GLYATL2: variants seen among roughly 807,000 people sequenced by gnomAD.
The protein encoded by GLYATL2 is glycine-N-acyltransferase like 2.
A neutral mutation model predicts 21.4 loss-of-function variants in GLYATL2; 25 were observed. That is an observed-to-expected ratio of 1.17 (90% CI 0.85 to 1.63). The LOEUF (loss-of-function observed/expected upper bound fraction) is 1.63. Ranked by LOEUF, GLYATL2 falls within the 40% of genes most tolerant of loss-of-function variation. The pLI is 0.00. For missense variants in GLYATL2, 361 were observed against 343.3 expected, an observed-to-expected ratio of 1.05 and a Z score of -0.41; for synonymous variants, 114 against 118.2, an observed-to-expected ratio of 0.96 and a Z score of 0.23.
At chr11:58,848,384 T>G (rs1164822100), upstream of GLYATL2, among the ~76,000 whole-genome samples, 3 of 151,980 alleles carry the variant, frequency 2.0e-5, no homozygotes, top group Non-Finnish European at 2.9e-5. Context: ...CCTGGAGAAA[T>G]GGAGATATGT....
chr11:58,837,562 A>T lies in GLYATL2; in HGVS notation c.187-165T>A, dbSNP rs1458581782. On this transcript the variant is annotated intron_variant, in intron 3 of 5. Coordinates refer to ENST00000287275, the MANE Select transcript of GLYATL2 (RefSeq NM_145016.4). Reference sequence around the variant, plus strand: ...ACTTCAAGAATAACTCACTCTTGATACACTGAAGATAGTTGCTTTCTTTTA... The same window carrying T: ...ACTTCAAGAATAACTCACTCTTGATTCACTGAAGATAGTTGCTTTCTTTTA... 2.0e-5 allele frequency among the ~76,000 whole-genome samples: 3 copies of T among 152,234 alleles called. No individual in the cohort carries two copies. The East Asian group carries it at 5.8e-4, about 29-fold the overall frequency.
Position 58,842,022 on chromosome 11 carries a change from T to C in GLYATL2, c.-40-2370A>G, listed in dbSNP as rs138055590. On this transcript the variant is annotated intron_variant, in intron 1 of 5. Coordinates refer to ENST00000287275, the MANE Select transcript of GLYATL2 (RefSeq NM_145016.4). ...GAGCTCAAAAAAGGCATTTCTCTTA[T>C]TAGATGAGAGTTAAGCATACCTATA... Among the ~76,000 whole-genome samples the C allele has an allele frequency of 2.0e-5, 3 of 152,246 alleles. No homozygotes were observed. The East Asian group carries it at 5.8e-4, about 29-fold the overall frequency.
intron 1 of GLYATL2, among the ~76,000 whole-genome samples, chr11:58,842,562 G>A (rs539684220): frequency 8.9e-4 from 135 of 151,196 alleles, no homozygotes; most frequent in Non-Finnish European, 1.0e-3. Context: ...GTGGGTTCCT[G>A]CCTTGTGCTC....
chr11:58,852,933 C>T (rs951368447), intron 1 of GLYATL2, among the ~76,000 whole-genome samples: 2 of 152,140 alleles, frequency 1.3e-5, no homozygotes, highest in African/African-American at 4.8e-5. Flanking sequence ...CTAAGTCAGC[C>T]AGTGAAGTGC....
chr11:58,857,934 A>G (rs1304488736), intron 1 of GLYATL2, among the ~76,000 whole-genome samples: 7 of 150,382 alleles, frequency 4.7e-5, no homozygotes, highest in African/African-American at 1.7e-4. Flanking sequence ...AAACAAACAA[A>G]AAATATCTTA....
chr11:58,908,067 G>A (rs1854948947), upstream of GLYATL2: 1 of 152,422 alleles, frequency 6.6e-6, no homozygotes, highest in African/African-American at 2.4e-5. Flanking sequence ...GAAATCTCAA[G>A]GGTTGCCCAC....
chr11:58,863,958 G>T (rs1853978499), intron 1 of GLYATL2, among the ~76,000 whole-genome samples: 1 of 152,190 alleles, frequency 6.6e-6, no homozygotes, highest in African/African-American at 2.4e-5. Context: ...CCCTAGGCAG[G>T]CCTGGAGCCT....
At chr11:58,859,324 T>TTCTCTC (rs35379649) in intron 1 of GLYATL2, among the ~76,000 whole-genome samples, 2 of 150,754 alleles carry the variant, frequency 1.3e-5, no homozygotes, top group Non-Finnish European at 3.0e-5. Flanking sequence ...GTAGCATTCA[T>TTCTCTC]TCTCTCTCTC....
intron 1 of GLYATL2, among the ~76,000 whole-genome samples, chr11:58,875,190 C>T (rs1477900261): frequency 2.6e-5 from 4 of 152,040 alleles, no homozygotes; most frequent in East Asian, 1.9e-4. Flanking sequence ...TGTCTCTGCA[C>T]GTGAGATGGG....
At chr11:58,860,044 G>A (rs1328058163) in intron 1 of GLYATL2, among the ~76,000 whole-genome samples, 1 of 152,114 alleles carries the variant, frequency 6.6e-6, no homozygotes, top group Non-Finnish European at 1.5e-5. Context: ...TTGAAGTTAG[G>A]TAGTGTGATA....
At chr11:58,888,143 T>C (rs1466403212) in intron 1 of GLYATL2, among the ~76,000 whole-genome samples, 1 of 152,172 alleles carries the variant, frequency 6.6e-6, no homozygotes, top group Non-Finnish European at 1.5e-5. Context: ...CTGTTTATGT[T>C]GTTTGACCAT....
chr11:58,854,042 T>C (rs761319147), intron 1 of GLYATL2, among the ~76,000 whole-genome samples: 44 of 152,286 alleles, frequency 2.9e-4, no homozygotes, highest in Non-Finnish European at 5.6e-4. Context: ...ACATATAAGG[T>C]AGATAATGTG....
At chr11:58,905,385 A>C, upstream of GLYATL2, 2 of 441,914 alleles carry the variant, frequency 4.5e-6, no homozygotes, top group Middle Eastern at 3.6e-4. Context: ...CTGCCGCTGG[A>C]TCCCGCCTGG....
At chr11:58,838,549 G>A (rs187451322) in intron 2 of GLYATL2, among the ~76,000 whole-genome samples, 181 bp from the exon 3 acceptor site, 99 of 152,198 alleles carry the variant, frequency 6.5e-4, no homozygotes, top group Non-Finnish European at 1.2e-3. Context: ...CTGCTAGACG[G>A]CCCAAAAAGC....
chr11:58,864,246 G>C (rs967192189), intron 1 of GLYATL2, among the ~76,000 whole-genome samples: 2 of 152,160 alleles, frequency 1.3e-5, no homozygotes, highest in Non-Finnish European at 2.9e-5. Flanking sequence ...GGGCTGGTCT[G>C]AAACCTTGAG....
At chr11:58,881,463 G>T (rs1387343965) in intron 1 of GLYATL2, among the ~76,000 whole-genome samples, 1 of 151,950 alleles carries the variant, frequency 6.6e-6, no homozygotes, top group Non-Finnish European at 1.5e-5. Context: ...TTTAATTTTT[G>T]TAATGAAACT....
At chr11:58,879,781 C>T (rs540962416) in intron 1 of GLYATL2, among the ~76,000 whole-genome samples, 1 of 151,520 alleles carries the variant, frequency 6.6e-6, no homozygotes, top group South Asian at 2.1e-4. Flanking sequence ...TGTGAATGTA[C>T]GTTGTGAATG....
chr11:58,877,172 CA>C (rs1854250591), intron 1 of GLYATL2, among the ~76,000 whole-genome samples: 1 of 152,236 alleles, frequency 6.6e-6, no homozygotes, highest in South Asian at 2.1e-4. Flanking sequence ...CCCGATTTTC[CA>C]GGTGCCATCT....
rs1355184796 is a variant in GLYATL2 at position 58,834,300 on chromosome 11, G to C, written c.*129C>G. On this transcript the variant is annotated 3_prime_UTR_variant, in exon 6 of 6. Transcript: ENST00000287275. The stretch of plus-strand genomic sequence containing the variant: ...GGAGAAGGAAGGTAAAACTGTTAAG[G>C]GTGAGCTTAAGTAATACACAGATCC... The C allele has an allele frequency of 6.0e-6, 4 of 670,710 alleles. No homozygotes were observed. The highest frequency in any genetic ancestry group is 2.9e-5 in the East Asian group (1 of 34,312). The allele number at this position is 670,710 out of a possible 1,614,324, so 41.5% of individuals were successfully genotyped here. A position where few individuals can be genotyped will look rare whatever the true frequency, so the allele number is the denominator to read the frequency against.
Sources: allele counts gnomAD v4.1 joint callset (sites outside exome capture counted in the v4.1 genomes callset), GRCh38; gene constraint gnomAD v4.1.1; transcripts MANE v1.5; gene names NCBI Gene and HGNC (gene_info 2026-07-23, HGNC 2026-07-21).